KIF13B: variants seen among roughly 807,000 people sequenced by gnomAD.
KIF13B encodes the protein kinesin-like protein KIF13B.
KIF13B carries 127 observed loss-of-function variants against 222.0 expected under a neutral mutation model. That is an observed-to-expected ratio of 0.57 (90% CI 0.50 to 0.66). KIF13B has a LOEUF of 0.66. Among genes scored for constraint, KIF13B ranks in the 30% least tolerant of loss-of-function variants. The pLI, the probability that KIF13B is intolerant of heterozygous loss-of-function variation, is 0.00. For synonymous variants in KIF13B, 976 were observed against 919.0 expected (o/e 1.06, Z -1.12); for missense variants, 2,173 against 2,379.0 (o/e 0.91, Z 1.80).
chr8:29,252,403 T>A (rs1816318597), intron 1 of KIF13B, among the ~76,000 whole-genome samples: 1 of 152,214 alleles, frequency 6.6e-6, no homozygotes, highest in South Asian at 2.1e-4. Context: ...AACAAAATAA[T>A]CTGCTTTTCT....
At chr8:29,078,808 G>A (rs1807682197) in intron 37 of KIF13B, among the ~76,000 whole-genome samples, 1 of 152,200 alleles carries the variant, frequency 6.6e-6, no homozygotes, top group Non-Finnish European at 1.5e-5. Context: ...GATGGAAAAG[G>A]ACTAAGTTCT....
At chr8:29,223,636 C>T (rs1586948771) in intron 2 of KIF13B, among the ~76,000 whole-genome samples, 3 of 152,210 alleles carry the variant, frequency 2.0e-5, no homozygotes, top group South Asian at 2.1e-4. Flanking sequence ...TAGTGTATTC[C>T]TCTGGTTAAT....
At chr8:29,216,948 G>A (rs80127762) in intron 2 of KIF13B, among the ~76,000 whole-genome samples, 1 of 150,102 alleles carries the variant, frequency 6.7e-6, no homozygotes, top group African/African-American at 2.5e-5. Flanking sequence ...GTCCATCGAC[G>A]TATATTCAGT....
intron 33 of KIF13B, 77 bp downstream of exon 33, chr8:29,109,839 CTG>C: frequency 2.2e-6 from 3 of 1,384,556 alleles, no homozygotes; most frequent in East Asian, 4.7e-5. Context: ...TGCAACAACA[CTG>C]TGAATTACAG....
intron 10 of KIF13B, among the ~76,000 whole-genome samples, chr8:29,168,970 C>T (rs1331394278): frequency 6.6e-6 from 1 of 152,160 alleles, no homozygotes; most frequent in African/African-American, 2.4e-5. Context: ...TGAATATACT[C>T]TTTTTAGGAA....
intron 10 of KIF13B, among the ~76,000 whole-genome samples, chr8:29,172,877 T>C (rs796757304): frequency 2.2e-4 from 33 of 152,120 alleles, no homozygotes; most frequent in African/African-American, 7.7e-4. Flanking sequence ...ATTTTCACTA[T>C]GTCGATTAAG....
intron 8 of KIF13B, 122 bp from the exon 9 acceptor site, chr8:29,177,700 A>G: frequency 4.1e-5 from 29 of 706,044 alleles, no homozygotes; most frequent in Non-Finnish European, 6.4e-5. Flanking sequence ...CCAGGATTTC[A>G]AAAACAGCCT....
In KIF13B at chr8:29,180,162, C is replaced by T. The variant is rs1237378889; in HGVS notation, c.662G>A (p.Arg221Gln). The change falls in exon 8 of 40, where the codon CGA becomes CAA. Residue 221 changes from arginine (R) to glutamine (Q), a missense_variant. By Grantham distance (43) the Arg-to-Gln change is conservative. Transcript: ENST00000524189. ...GGTGATTTTGAAAACTGCATGGGATCGGCTACTCTCCTCGTTCATGTTGGT... is the reference window on the plus strand; with the variant it reads ...GGTGATTTTGAAAACTGCATGGGATTGGCTACTCTCCTCGTTCATGTTGGT... ...AATNMNEESSRSHAVFKITLT... is the reference protein window; with the variant it reads ...AATNMNEESSQSHAVFKITLT... 5.6e-6 allele frequency: 9 copies of T among 1,613,884 alleles called. No individual in the cohort carries two copies. The highest frequency in any genetic ancestry group is 1.3e-5 in the African/African-American group (1 of 74,922).
intron 14 of KIF13B, among the ~76,000 whole-genome samples, chr8:29,154,170 A>AGGTG (rs1811416298): frequency 6.6e-6 from 1 of 152,194 alleles, no homozygotes; most frequent in Non-Finnish European, 1.5e-5. Flanking sequence ...TTAAAAGATT[A>AGGTG]GGTGGGTGTG....
At chr8:29,232,574 C>A (rs1815334249) in intron 2 of KIF13B, among the ~76,000 whole-genome samples, 2 of 151,934 alleles carry the variant, frequency 1.3e-5, no homozygotes, top group Non-Finnish European at 2.9e-5. Flanking sequence ...CTCACAGTGA[C>A]CACATTCTGC....
intron 19 of KIF13B, 66 bp downstream of exon 19, chr8:29,142,091 T>C: frequency 7.4e-7 from 1 of 1,344,878 alleles, no homozygotes; most frequent in Non-Finnish European, 1.1e-6. Context: ...CTGAAATGGG[T>C]AGACTCATTC....
chr8:29,203,050 T>G (rs890987015), intron 2 of KIF13B, among the ~76,000 whole-genome samples: 1 of 152,216 alleles, frequency 6.6e-6, no homozygotes, highest in Non-Finnish European at 1.5e-5. Context: ...CTACTGCTTA[T>G]GTAGGACCAC....
At position 29,076,409 on chromosome 8, in the gene KIF13B, G is replaced by A. The variant is rs537535644; in HGVS notation, c.4459-1066C>T. 2.8e-4 allele frequency among the ~76,000 whole-genome samples: 42 copies of A among 152,350 alleles called. 1 individual carries two copies. The South Asian group carries it at 7.7e-3, about 28-fold the overall frequency. On this transcript the variant is annotated intron_variant, in intron 37 of 39. Transcript: ENST00000524189. ...AACTGCCCAGAGATGTGGACTCCACGTCTCCCACCTCCCTTCTCCCAGCCC... is the reference window on the plus strand; with the variant it reads ...AACTGCCCAGAGATGTGGACTCCACATCTCCCACCTCCCTTCTCCCAGCCC...
chr8:29,138,763 A>C (rs1222608816), intron 21 of KIF13B: 1 of 152,264 alleles, frequency 6.6e-6, no homozygotes, highest in South Asian at 2.1e-4. Flanking sequence ...TTCTACAATA[A>C]ATGAATTGCA....
intron 2 of KIF13B, among the ~76,000 whole-genome samples, chr8:29,206,256 C>A (rs1049490326): frequency 2.0e-5 from 3 of 152,120 alleles, no homozygotes; most frequent in African/African-American, 7.2e-5. Context: ...GAGACCTTGT[C>A]TCTATGAAAA....
rs573427401 is a variant in KIF13B at position 29,101,060 on chromosome 8, T to A, written c.4216-1819A>T. Among the ~76,000 whole-genome samples, 9 of 152,292 alleles carry A rather than the reference T, an allele frequency of 5.9e-5. No individual in the cohort carries two copies. The South Asian group carries it at 1.5e-3, about 25-fold the overall frequency. ...CAAGGGAGAGAGCAACACGTGATCATCGAGAACGTAAGCTCTGAAATACTT... is the reference window on the plus strand; with the variant it reads ...CAAGGGAGAGAGCAACACGTGATCAACGAGAACGTAAGCTCTGAAATACTT... On this transcript the variant is annotated intron_variant, in intron 35 of 39. Coordinates refer to ENST00000524189, the MANE Select transcript of KIF13B (RefSeq NM_015254.4).
At chr8:29,216,279 T>A (rs1214888100) in intron 2 of KIF13B, among the ~76,000 whole-genome samples, 1 of 152,152 alleles carries the variant, frequency 6.6e-6, no homozygotes, top group Non-Finnish European at 1.5e-5. Context: ...AAAGCTAGAT[T>A]CAAACCTAGG....
At chr8:29,222,166 G>C (rs1814782710) in intron 2 of KIF13B, among the ~76,000 whole-genome samples, 1 of 151,960 alleles carries the variant, frequency 6.6e-6, no homozygotes, top group Non-Finnish European at 1.5e-5. Flanking sequence ...GGGCAACAAT[G>C]TGAGACCCCA....
chr8:29,242,201 G>A (rs1171953394), intron 2 of KIF13B, among the ~76,000 whole-genome samples: 2 of 151,986 alleles, frequency 1.3e-5, no homozygotes, highest in African/African-American at 2.4e-5. Context: ...TATTTGTATC[G>A]TGCCACCACA....
Sources: gnomAD v4.1 joint callset for allele counts (sites outside exome capture counted in the v4.1 genomes callset) on GRCh38, gnomAD v4.1.1 for gene constraint, MANE v1.5 for transcripts, NCBI Gene and HGNC (gene_info 2026-07-23, HGNC 2026-07-21) for gene names.